Variants in EPB41L2 observed in about 807,000 individuals in gnomAD.
EPB41L2 encodes the protein erythrocyte membrane protein band 4.1 like 2.
In EPB41L2, 43 loss-of-function variants were observed where a neutral mutation model predicts 113.0. The observed-to-expected ratio is 0.38, with a 90% CI of 0.30 to 0.49. The LOEUF (loss-of-function observed/expected upper bound fraction) is 0.49, where lower values mean the gene tolerates loss of function less well. Ranked by LOEUF, EPB41L2 falls within the 20% of genes least tolerant of loss-of-function variation. The probability of loss-of-function intolerance (pLI) is 0.95; values close to 1 mark genes in which losing one functional copy is unlikely to be tolerated. For missense variants in EPB41L2, 1,147 were observed against 1,223.4 expected, an observed-to-expected ratio of 0.94 and a Z score of 0.93; for synonymous variants, 442 against 436.7, an observed-to-expected ratio of 1.01 and a Z score of -0.15.
chr6:130,893,966 G>A (rs994346198), intron 10 of EPB41L2, among the ~76,000 whole-genome samples: 5 of 152,168 alleles, frequency 3.3e-5, no homozygotes, highest in Non-Finnish European at 7.3e-5. Flanking sequence ...GGTGGTTAGA[G>A]TCAGAAAGTG....
rs1782830156 is a variant in EPB41L2 at position 130,863,618 on chromosome 6, C to T, written c.2910+20G>A. ...AAAACAAACAGGGCCATTTCCAAAA[C>T]TAGAACTTAACTTATTTACCTGGTC... is the stretch of plus-strand genomic sequence containing the variant. On this transcript the variant is annotated intron_variant, in intron 18 of 19. Transcript: ENST00000337057. 6.4e-7 allele frequency: 1 copy of T among 1,568,136 alleles called. No individual in the cohort carries two copies. The highest frequency in any genetic ancestry group is 1.7e-5 in the Admixed American group (1 of 59,730).
chr6:130,974,429 C>T (rs1487199184), intron 1 of EPB41L2, among the ~76,000 whole-genome samples: 1 of 152,132 alleles, frequency 6.6e-6, no homozygotes, highest in Non-Finnish European at 1.5e-5. Flanking sequence ...AATGCTACTG[C>T]TCAGCTCCTC....
chr6:130,888,050 G>A lies in EPB41L2; in HGVS notation c.1660+2244C>T, dbSNP rs7752713. On this transcript the variant is annotated intron_variant, in intron 11 of 19. Coordinates refer to ENST00000337057, the MANE Select transcript of EPB41L2 (RefSeq NM_001431.4). ...TTTAATTTGCCAAACTTTAAAGTGA[G>A]GCTAATATACCTAAATTATTCTAGC... 5.0e-3 allele frequency among the ~76,000 whole-genome samples: 766 copies of A among 151,940 alleles called. 5 individuals are homozygous for A. Among genetic ancestry groups the A allele is most frequent in the African/African-American group, 0.018 (728 of 41,422 alleles).
intron 1 of EPB41L2, among the ~76,000 whole-genome samples, chr6:130,959,071 A>T (rs1818477670): frequency 6.6e-6 from 1 of 152,170 alleles, no homozygotes; most frequent in South Asian, 2.1e-4. Context: ...AATTAATCTA[A>T]TGGTAAAGAG....
At position 130,971,467 on chromosome 6, in the gene EPB41L2, C is replaced by T. The variant is rs185134229; in HGVS notation, c.-14-14968G>A. Among the ~76,000 whole-genome samples the T allele has an allele frequency of 5.9e-4, 90 of 152,180 alleles. 1 individual carries two copies. Among genetic ancestry groups the T allele is most frequent in the East Asian group, 1.7e-3 (9 of 5,180 alleles). On this transcript the variant is annotated intron_variant, in intron 1 of 19. Coordinates refer to ENST00000337057, the MANE Select transcript of EPB41L2 (RefSeq NM_001431.4). The stretch of plus-strand genomic sequence containing the variant: ...TATCACTATTCTTGTACTTTTATTA[C>T]GTAGAATAAGGGTGATTTGAACACA...
Position 130,878,480 on chromosome 6 carries a change from T to C in EPB41L2, c.1897-230A>G, listed in dbSNP as rs565018901. Reference sequence around the variant, plus strand: ...ATGCGTACTTCTTCAATGATTTACATTTTAAAGGGTTCTGATTTCTTCTCT... The same window carrying C: ...ATGCGTACTTCTTCAATGATTTACACTTTAAAGGGTTCTGATTTCTTCTCT... On this transcript the variant is annotated intron_variant, in intron 13 of 19. Transcript: ENST00000337057. 2.3e-5 allele frequency: 10 copies of C among 429,868 alleles called. No homozygotes were observed. In the Admixed American group the frequency reaches 4.0e-4, roughly 17 times the overall value. The allele number at this position is 429,868 out of a possible 1,614,324, so 26.6% of individuals were successfully genotyped here. A position where few individuals can be genotyped will look rare whatever the true frequency, so the allele number is the denominator to read the frequency against.
In EPB41L2 at chr6:130,840,915, G is replaced by C. The variant is rs936894673; in HGVS notation, c.*6-317C>G. Among the ~76,000 whole-genome samples, 44 of 152,108 alleles carry C rather than the reference G, an allele frequency of 2.9e-4. 1 individual carries two copies. Among genetic ancestry groups the C allele is most frequent in the Admixed American group, 1.3e-4 (2 of 15,258 alleles). The stretch of plus-strand genomic sequence containing the variant: ...GAATTTAAAGACAGAAACCAAGGTA[G>C]GTTTTAAAGCTATACTCAGGGAAAG... On this transcript the variant is annotated intron_variant, in intron 19 of 19. Transcript: ENST00000337057.
rs72499769 is a variant in EPB41L2, at chr6:131,054,969, C to T, written c.-15+8186G>A. ...AAACACTGTGCTTTGGGCATGACTG[C>T]CTTCAGCATTCCTTCTGGGTGGCAT... On this transcript the variant is annotated intron_variant, in intron 1 of 19. Coordinates refer to ENST00000337057, the MANE Select transcript of EPB41L2 (RefSeq NM_001431.4). 0.012 allele frequency among the ~76,000 whole-genome samples: 1,781 copies of T among 152,318 alleles called. 189 individuals are homozygous for T. The East Asian group carries it at 0.27, about 23-fold the overall frequency.
At chr6:130,992,679 G>C (rs1040731139) in intron 1 of EPB41L2, among the ~76,000 whole-genome samples, 1 of 150,214 alleles carries the variant, frequency 6.7e-6, no homozygotes, top group Admixed American at 6.6e-5. Flanking sequence ...TCGCCAGGCT[G>C]GAATGCAGTG....
chr6:131,053,631 C>T (rs764542701), intron 1 of EPB41L2, among the ~76,000 whole-genome samples: 3 of 152,052 alleles, frequency 2.0e-5, no homozygotes, highest in Non-Finnish European at 4.4e-5. Flanking sequence ...TTGTTACTAA[C>T]AGGCTTCAGA....
chr6:130,950,578 C>T (rs1176845351), intron 3 of EPB41L2, among the ~76,000 whole-genome samples: 1 of 151,918 alleles, frequency 6.6e-6, no homozygotes, highest in African/African-American at 2.4e-5. Flanking sequence ...GGCTACCATC[C>T]AAGACAGTTT....
intron 1 of EPB41L2, among the ~76,000 whole-genome samples, chr6:130,958,321 A>T (rs1818160832): frequency 2.0e-5 from 3 of 152,044 alleles, no homozygotes. Flanking sequence ...GCGTGGTGGC[A>T]CGTCTCTGTA....
intron 18 of EPB41L2, among the ~76,000 whole-genome samples, chr6:130,863,257 A>T (rs903670515): frequency 2.0e-5 from 3 of 152,222 alleles, no homozygotes; most frequent in African/African-American, 7.2e-5. Context: ...AAGTTCCTAA[A>T]AGTAGGCATA....
chr6:130,915,009 T>C (rs1800489474), intron 4 of EPB41L2, among the ~76,000 whole-genome samples: 2 of 152,194 alleles, frequency 1.3e-5, no homozygotes, highest in African/African-American at 4.8e-5. Context: ...ATATCAAGTA[T>C]TGTTAAATCA....
intron 15 of EPB41L2, 125 bp downstream of exon 15, chr6:130,869,436 TGA>T: frequency 1.1e-6 from 1 of 890,600 alleles, no homozygotes; most frequent in Non-Finnish European, 1.7e-6. Context: ...CTTCCTCCCA[TGA>T]GAGAGAAAAA....
chr6:130,977,750 T>A (rs1201987052), intron 1 of EPB41L2, among the ~76,000 whole-genome samples: 1 of 152,244 alleles, frequency 6.6e-6, no homozygotes, highest in Non-Finnish European at 1.5e-5. Flanking sequence ...TGCTCCCATG[T>A]TGCCAGTTAG....
chr6:130,898,335 G>A (rs1001534291), intron 8 of EPB41L2, among the ~76,000 whole-genome samples: 1 of 152,120 alleles, frequency 6.6e-6, no homozygotes, highest in African/African-American at 2.4e-5. Flanking sequence ...CAGAGGCCTA[G>A]GGAGGAAAGA....
At chr6:130,932,107 G>GC (rs1807098262) in intron 3 of EPB41L2, among the ~76,000 whole-genome samples, 1 of 151,936 alleles carries the variant, frequency 6.6e-6, no homozygotes, top group Non-Finnish European at 1.5e-5. Context: ...AATAATAATT[G>GC]ATTTTAAATA....
intron 12 of EPB41L2, among the ~76,000 whole-genome samples, chr6:130,884,129 G>A (rs1412080385): frequency 6.6e-6 from 1 of 152,162 alleles, no homozygotes; most frequent in Non-Finnish European, 1.5e-5. Flanking sequence ...GAGGTCAGGA[G>A]TTCAAGATGA....
Sources: gnomAD v4.1 joint callset for allele counts (sites outside exome capture counted in the v4.1 genomes callset) on GRCh38, gnomAD v4.1.1 for gene constraint, MANE v1.5 for transcripts, NCBI Gene and HGNC (gene_info 2026-07-23, HGNC 2026-07-21) for gene names.